The following CPEB3 variants were observed in gnomAD, a reference collection of about 807,000 sequenced individuals.
The protein encoded by CPEB3 is cytoplasmic polyadenylation element binding protein 3, also known as cytoplasmic polyadenylation element-binding protein 3.
Under a neutral mutation model 67.2 loss-of-function variants are expected in CPEB3, and 20 were observed. The ratio of observed to expected loss-of-function variants is 0.30; its 90% CI spans 0.21 to 0.43. CPEB3 has a LOEUF of 0.43. Ranked by LOEUF, CPEB3 falls within the 20% of genes least tolerant of loss-of-function variation. CPEB3 has a pLI of 1.00. For synonymous variants in CPEB3, 376 were observed against 393.1 expected (o/e 0.96, Z 0.51); for missense variants, 746 against 968.6 (o/e 0.77, Z 3.05).
intron 2 of CPEB3, among the ~76,000 whole-genome samples, chr10:92,220,958 C>T (rs989791467): frequency 6.6e-6 from 1 of 152,166 alleles, no homozygotes; most frequent in African/African-American, 2.4e-5. Flanking sequence ...CTCACAGATG[C>T]CCCTCTGCTC....
chr10:92,082,072 T>A (rs777101002), intron 8 of CPEB3, among the ~76,000 whole-genome samples: 3 of 152,244 alleles, frequency 2.0e-5, no homozygotes, highest in Non-Finnish European at 1.5e-5. Flanking sequence ...GAACTCTCCA[T>A]ACTAACCTTT....
chr10:92,289,785 G>A lies in CPEB3; in HGVS notation c.-12+1141C>T, dbSNP rs1242015045. 5.2e-5 allele frequency among the ~76,000 whole-genome samples: 6 copies of A among 115,638 alleles called. No individual in the cohort carries two copies. In the South Asian group the frequency reaches 8.6e-4, roughly 17 times the overall value. The allele number at this position is 115,638 out of a possible 152,430, so 75.9% of individuals were successfully genotyped here. A position where few individuals can be genotyped will look rare whatever the true frequency, so the allele number is the denominator to read the frequency against. ...TATTATATATTATAAATGTATATAT[G>A]TATTATATATTATAAATGTATTATA... is the stretch of plus-strand genomic sequence containing the variant. On this transcript the variant is annotated intron_variant, in intron 1 of 9. Transcript: ENST00000265997.
At position 92,239,646 on chromosome 10, in the gene CPEB3, GGCGGCGGCT is replaced by G; in HGVS notation, c.696_704del (p.Ala233_Ala235del). On this transcript the variant is annotated inframe_deletion, in exon 2 of 10. Transcript: ENST00000265997. The surrounding 1 kb of genome is among the most constrained non-coding windows in gnomAD (Gnocchi z 6.0). ...TGTTCCAGCTGGACGAGGCCGACGA[GGCGGCGGCT>G]GCGGCAGCAGCGGCTGCAACCGCCG... The G allele has an allele frequency of 3.8e-6, 6 of 1,561,228 alleles. No individual in the cohort carries two copies. The highest frequency in any genetic ancestry group is 1.9e-5 in the Admixed American group (1 of 52,460).
At chr10:92,184,891 T>A (rs926757328) in intron 3 of CPEB3, among the ~76,000 whole-genome samples, 1 of 152,170 alleles carries the variant, frequency 6.6e-6, no homozygotes, top group African/African-American at 2.4e-5. Context: ...TTTTCCACGT[T>A]AGGGAGTGTA....
intron 6 of CPEB3, among the ~76,000 whole-genome samples, chr10:92,116,629 T>C (rs964317064): frequency 6.6e-6 from 1 of 152,018 alleles, no homozygotes; most frequent in Non-Finnish European, 1.5e-5. Flanking sequence ...TAACAGATAA[T>C]ATGATTATAA....
chr10:92,252,107 TAA>T (rs1046525195), intron 1 of CPEB3, among the ~76,000 whole-genome samples: 4 of 150,986 alleles, frequency 2.6e-5, no homozygotes, highest in Non-Finnish European at 2.9e-5. Context: ...TACAAATCAA[TAA>T]GAGTAAATAT....
chr10:92,240,466 C>A, intron 1 of CPEB3, 105 bp from the exon 2 acceptor site: 2 of 1,094,694 alleles, frequency 1.8e-6, no homozygotes, highest in Non-Finnish European at 1.3e-6. Flanking sequence ...GCCACCGCTA[C>A]TAGCCAATTG....
intron 1 of CPEB3, among the ~76,000 whole-genome samples, chr10:92,245,079 G>C (rs1303978076): frequency 1.3e-5 from 2 of 149,570 alleles, no homozygotes; most frequent in East Asian, 3.9e-4. Flanking sequence ...GCAGCATACT[G>C]TAATCTTTGT....
intron 3 of CPEB3, 106 bp from the exon 4 acceptor site, chr10:92,181,125 C>G: frequency 1.6e-6 from 1 of 622,580 alleles, no homozygotes; most frequent in Non-Finnish European, 2.8e-6. Context: ...TAATCTATAA[C>G]AATGCTATCA....
intron 7 of CPEB3, among the ~76,000 whole-genome samples, chr10:92,109,313 C>T (rs758735296): frequency 2.6e-5 from 4 of 151,160 alleles, no homozygotes; most frequent in African/African-American, 2.4e-5. Flanking sequence ...AATGCAATGA[C>T]GCGATCTCGG....
intron 2 of CPEB3, among the ~76,000 whole-genome samples, chr10:92,215,739 CT>C (rs373522649): frequency 0.023 from 2,260 of 99,894 alleles, 35 homozygotes; most frequent in African/African-American, 0.084. Flanking sequence ...TGGCGCCTGG[CT>C]TTTTTTTTTT....
chr10:92,172,582 T>C (rs1848054573), intron 4 of CPEB3, among the ~76,000 whole-genome samples: 1 of 152,228 alleles, frequency 6.6e-6, no homozygotes, highest in Non-Finnish European at 1.5e-5. Context: ...AATCTGTGTG[T>C]CTAAACCTTA....
chr10:92,069,071 G>A (rs753127601), intron 9 of CPEB3, among the ~76,000 whole-genome samples: 1 of 152,102 alleles, frequency 6.6e-6, no homozygotes, highest in African/African-American at 2.4e-5. Context: ...TCTGAGAACA[G>A]GTCATCTCAT....
chr10:92,100,653 A>G (rs919002332), intron 7 of CPEB3, among the ~76,000 whole-genome samples: 3 of 152,052 alleles, frequency 2.0e-5, no homozygotes, highest in African/African-American at 7.3e-5. Context: ...GTGCAGTGGC[A>G]CGATCTCGGC....
intron 6 of CPEB3, chr10:92,137,368 C>A: frequency 7.4e-6 from 8 of 1,084,136 alleles, no homozygotes; most frequent in Non-Finnish European, 1.0e-5. Flanking sequence ...ATACCTGTCT[C>A]CCAAATACAT....
At position 92,111,173 on chromosome 10, in the gene CPEB3, T is replaced by C; in HGVS notation, c.1475A>G (p.Gln492Arg). 1 of 1,613,684 alleles carries C rather than the reference T, an allele frequency of 6.2e-7. No homozygotes were observed. The highest frequency in any genetic ancestry group is 8.5e-7 in the Non-Finnish European group (1 of 1,179,598). The change falls in exon 7 of 10, where the codon CAA becomes CGA. Residue 492 changes from glutamine (Q) to arginine (R), a missense_variant. Coordinates refer to ENST00000265997, the MANE Select transcript of CPEB3 (RefSeq NM_014912.5). ...PPKGYAFLLFQEESSVQALID... is the reference protein window; with the variant it reads ...PPKGYAFLLFREESSVQALID... ...CAAAGCTTGTACTGAGCTTTCCTCT[T>C]GGAACAGCAGAAAGGCATAGCCTTG...
intron 3 of CPEB3, among the ~76,000 whole-genome samples, chr10:92,188,008 C>G (rs1289918130): frequency 2.0e-5 from 3 of 151,968 alleles, no homozygotes; most frequent in African/African-American, 7.3e-5. Flanking sequence ...CCAGCCTGGG[C>G]AACATGGTGA....
chr10:92,239,934 G>T lies in CPEB3; in HGVS notation c.417C>A (p.Phe139Leu). ...PVNGTMLFQNFPHHVNPVFGG... is the reference protein window; with the variant it reads ...PVNGTMLFQNLPHHVNPVFGG... ...CGAAGACTGGGTTGACATGGTGCGGGAAGTTCTGGAAGAGCATGGTCCCGT... is the reference window on the plus strand; with the variant it reads ...CGAAGACTGGGTTGACATGGTGCGGTAAGTTCTGGAAGAGCATGGTCCCGT... The change falls in exon 2 of 10, where the codon TTC (phenylalanine) becomes TTA (leucine). Residue 139 changes from phenylalanine (F) to leucine (L), a missense_variant. This residue lies in a region of CPEB3 where 643 missense variants were observed against 717.5 expected (regional missense o/e 0.90). Coordinates refer to ENST00000265997, the MANE Select transcript of CPEB3 (RefSeq NM_014912.5). The surrounding 1 kb of genome is among the most constrained non-coding windows in gnomAD (Gnocchi z 6.0). 6.2e-7 allele frequency: 1 copy of T among 1,613,566 alleles called. No individual in the cohort carries two copies. The highest frequency in any genetic ancestry group is 8.5e-7 in the Non-Finnish European group (1 of 1,179,716).
chr10:92,234,263 A>C (rs1006952934), intron 2 of CPEB3, among the ~76,000 whole-genome samples: 10 of 152,160 alleles, frequency 6.6e-5, no homozygotes, highest in African/African-American at 2.4e-4. Context: ...TGGGTAAGTC[A>C]CTTCCTATTT....
Sources: gnomAD v4.1 joint callset for allele counts (sites outside exome capture counted in the v4.1 genomes callset) on GRCh38, gnomAD v4.1.1 for gene constraint, gnomAD v4.1.1 regional missense constraint, Gnocchi (gnomAD v3.1) non-coding constraint, MANE v1.5 for transcripts, NCBI Gene and HGNC (gene_info 2026-07-23, HGNC 2026-07-21) for gene names.